Variants in CYTH1 observed in about 807,000 individuals in gnomAD.
The protein encoded by CYTH1 is cytohesin 1, also known as cytohesin-1.
In CYTH1, 18 loss-of-function variants were observed where a neutral mutation model predicts 61.8. The observed-to-expected ratio is 0.29, with a 90% confidence interval of 0.20 to 0.43. The LOEUF is 0.43. CYTH1 is among the 20% of genes least tolerant of loss of function. CYTH1 has a pLI of 1.00. For missense variants in CYTH1, 336 were observed against 510.5 expected (o/e 0.66, Z 3.29); for synonymous variants, 174 against 184.3 (o/e 0.94, Z 0.45).
chr17:78,711,746 C>G (rs1434821057), intron 1 of CYTH1, among the ~76,000 whole-genome samples: 6 of 148,966 alleles, frequency 4.0e-5, no homozygotes, highest in Admixed American at 4.0e-4. Flanking sequence ...CCAACCTTCT[C>G]TAAAAAAGTG....
intron 1 of CYTH1, among the ~76,000 whole-genome samples, chr17:78,741,419 A>G (rs2093341420): frequency 6.6e-6 from 1 of 152,198 alleles, no homozygotes; most frequent in African/African-American, 2.4e-5. Flanking sequence ...GAATATTTAT[A>G]TAATATTCTA....
At chr17:78,781,127 CCACTGTGCTCCAGCCT>C (rs2093515629) in intron 1 of CYTH1, among the ~76,000 whole-genome samples, 2 of 151,582 alleles carry the variant, frequency 1.3e-5, no homozygotes, top group Admixed American at 1.3e-4. Context: ...TACGATCACG[CCACTGTGCTCCAGCCT>C]GGGTGACAGA....
At chr17:78,741,978 T>C (rs181106739) in intron 1 of CYTH1, among the ~76,000 whole-genome samples, 163 of 152,306 alleles carry the variant, frequency 1.1e-3, no homozygotes, top group Non-Finnish European at 2.0e-3. Flanking sequence ...AACCCTAAGG[T>C]TGGAATGGAA....
At chr17:78,744,503 C>T (rs1031872957) in intron 1 of CYTH1, among the ~76,000 whole-genome samples, 1 of 152,194 alleles carries the variant, frequency 6.6e-6, no homozygotes, top group African/African-American at 2.4e-5. Context: ...AAAGACTTGT[C>T]CAGCCTCTGC....
At chr17:78,725,029 G>A (rs2093258185) in intron 1 of CYTH1, among the ~76,000 whole-genome samples, 1 of 152,012 alleles carries the variant, frequency 6.6e-6, no homozygotes, top group Non-Finnish European at 1.5e-5. Context: ...GAGTCCCAGT[G>A]CAACACGTCC....
At chr17:78,680,721 C>T (rs1038960844) in intron 12 of CYTH1, among the ~76,000 whole-genome samples, 3 of 152,198 alleles carry the variant, frequency 2.0e-5, no homozygotes, top group Admixed American at 6.5e-5. Flanking sequence ...GCGTGCTTGC[C>T]GCTGCCATTG....
At chr17:78,709,316 A>C (rs1369286368) in intron 2 of CYTH1, 2 of 243,144 alleles carry the variant, frequency 8.2e-6, no homozygotes, top group Non-Finnish European at 7.8e-6. Context: ...CCTGAAGCCC[A>C]CATTCTCATT....
chr17:78,774,582 C>T (rs1310076998), intron 1 of CYTH1, among the ~76,000 whole-genome samples: 2 of 152,072 alleles, frequency 1.3e-5, no homozygotes, highest in Non-Finnish European at 2.9e-5. Context: ...TCTGTAGGGC[C>T]CCAGGCACCA....
Position 78,680,322 on chromosome 17 carries a change from G to A in CYTH1, c.986C>T (p.Pro329Leu). 1 of 1,613,908 alleles carries A rather than the reference G, an allele frequency of 6.2e-7. No individual in the cohort carries two copies. The highest frequency in any genetic ancestry group is 8.5e-7 in the Non-Finnish European group (1 of 1,179,888). The part of the protein sequence containing the change: ...KKPNCFELYI[P>L]DNKDQVIKAC... The stretch of plus-strand genomic sequence containing the variant: ...CTTGATAACTTGGTCTTTATTGTCG[G>A]GGATATAAAGCTCAAAGCAGTTCTG... Residue 329 changes from proline to leucine, a missense_variant, in exon 13 of 14, where the codon CCC becomes CTC. Pro to Leu is a moderately conservative substitution (Grantham distance 98). This residue lies in a region of CYTH1 where 83 missense variants were observed against 115.6 expected (regional missense o/e 0.72). Coordinates refer to ENST00000446868, the MANE Select transcript of CYTH1 (RefSeq NM_004762.6).
chr17:78,731,650 T>C (rs1023544554), intron 1 of CYTH1, among the ~76,000 whole-genome samples: 1 of 145,090 alleles, frequency 6.9e-6, no homozygotes, highest in Non-Finnish European at 1.5e-5. Flanking sequence ...CCCAGCTACT[T>C]GGGAGGCTGA....
chr17:78,719,902 A>C (rs2093213659), intron 1 of CYTH1, among the ~76,000 whole-genome samples: 1 of 152,256 alleles, frequency 6.6e-6, no homozygotes, highest in Non-Finnish European at 1.5e-5. Context: ...TCAGAAACAC[A>C]GTAATACTTT....
At chr17:78,680,558 T>C (rs1056485698) in intron 12 of CYTH1, among the ~76,000 whole-genome samples, 1 of 152,202 alleles carries the variant, frequency 6.6e-6, no homozygotes, top group African/African-American at 2.4e-5. Context: ...CGGCCTGATA[T>C]AAGCTGGCCC....
intron 11 of CYTH1, among the ~76,000 whole-genome samples, chr17:78,688,378 A>G (rs1404354968): frequency 1.3e-5 from 2 of 152,232 alleles, no homozygotes; most frequent in East Asian, 1.9e-4. Context: ...CTTGTTGTCA[A>G]CATCGGTAGA....
chr17:78,779,519 T>A (rs747122822), intron 1 of CYTH1, among the ~76,000 whole-genome samples: 1 of 151,892 alleles, frequency 6.6e-6, no homozygotes, highest in Non-Finnish European at 1.5e-5. Flanking sequence ...TCCCCAGAAC[T>A]TGTGAATAGG....
At chr17:78,712,692 A>G (rs1462426875) in intron 1 of CYTH1, among the ~76,000 whole-genome samples, 1 of 151,944 alleles carries the variant, frequency 6.6e-6, no homozygotes, top group African/African-American at 2.4e-5. Flanking sequence ...AAAATAAAAA[A>G]TAATTATTTC....
chr17:78,770,620 T>C (rs2093467612), intron 1 of CYTH1, among the ~76,000 whole-genome samples: 1 of 152,016 alleles, frequency 6.6e-6, no homozygotes, highest in South Asian at 2.1e-4. Flanking sequence ...GGTTTCACCA[T>C]GTTGGCCAGG....
At chr17:78,763,660 G>A (rs958772838) in intron 1 of CYTH1, among the ~76,000 whole-genome samples, 4 of 152,198 alleles carry the variant, frequency 2.6e-5, no homozygotes, top group African/African-American at 9.7e-5. Flanking sequence ...AGAGTTACGT[G>A]AATGTAGTCT....
chr17:78,756,082 T>TG lies in CYTH1; in HGVS notation c.22+26119_22+26120insC, dbSNP rs199615698. Among the ~76,000 whole-genome samples, 418 of 149,096 alleles carry TG rather than the reference T, an allele frequency of 2.8e-3. 1 individual carries two copies. Among genetic ancestry groups the TG allele is most frequent in the African/African-American group, 9.7e-3 (398 of 40,934 alleles). Reference sequence around the variant, plus strand: ...ATTTATTTATTTATTTATTTTTATTTTTTTTTTTTTTGAGACAGAGTCTTG... The same window carrying TG: ...ATTTATTTATTTATTTATTTTTATTTGTTTTTTTTTTTGAGACAGAGTCTTG... On this transcript the variant is annotated intron_variant, in intron 1 of 13. Transcript: ENST00000446868.
chr17:78,781,757 C>A (rs1212286648), intron 1 of CYTH1, among the ~76,000 whole-genome samples: 2 of 152,028 alleles, frequency 1.3e-5, no homozygotes, highest in African/African-American at 4.8e-5. Flanking sequence ...AGAGGGGCGG[C>A]AGGGCCAGCG....
Sources: allele counts gnomAD v4.1 joint callset (sites outside exome capture counted in the v4.1 genomes callset), GRCh38; gene constraint gnomAD v4.1.1; regional missense constraint gnomAD v4.1.1; transcripts MANE v1.5; gene names NCBI Gene and HGNC (gene_info 2026-07-23, HGNC 2026-07-21).